The following LARGE1 variants were observed in gnomAD, a reference collection of about 807,000 sequenced individuals.
The protein encoded by LARGE1 is LARGE xylosyl- and glucuronyltransferase 1, also known as xylosyl- and glucuronyltransferase LARGE1.
In LARGE1, 43 loss-of-function variants were observed where a neutral mutation model predicts 87.6. The ratio of observed to expected loss-of-function variants is 0.49; its 90% CI spans 0.38 to 0.63. LARGE1 has a LOEUF of 0.63. Among genes scored for constraint, LARGE1 ranks in the 30% least tolerant of loss-of-function variants. The probability of loss-of-function intolerance (pLI) is 0.00; values close to 1 mark genes in which losing one functional copy is unlikely to be tolerated. For missense variants in LARGE1, 802 were observed against 1,000.2 expected (o/e 0.80, Z 2.67); for synonymous variants, 434 against 394.6 (o/e 1.10, Z -1.18).
chr22:33,619,480 G>C (rs981802622), intron 4 of LARGE1, among the ~76,000 whole-genome samples: 2 of 151,274 alleles, frequency 1.3e-5, no homozygotes, highest in Admixed American at 1.3e-4. Flanking sequence ...GCTTGAACTT[G>C]GGAGGCAGAG....
intron 11 of LARGE1, among the ~76,000 whole-genome samples, chr22:33,172,378 C>T (rs1482535501): frequency 2.6e-5 from 4 of 152,102 alleles, no homozygotes. Flanking sequence ...TGGTTTCTCC[C>T]ATGCTGTTCT....
At chr22:33,769,778 T>C (rs979523686) in intron 1 of LARGE1, among the ~76,000 whole-genome samples, 5 of 152,198 alleles carry the variant, frequency 3.3e-5, no homozygotes, top group Middle Eastern at 3.2e-3. Context: ...TTGCAAAGCA[T>C]GTACCCAACT....
At chr22:33,416,905 A>AATTTTTTTTTTTTTTT (rs1569145162) in intron 7 of LARGE1, among the ~76,000 whole-genome samples, 1 of 52,200 alleles carries the variant, frequency 1.9e-5, no homozygotes, top group Non-Finnish European at 3.4e-5. Flanking sequence ...CCACGCCCGG[A>AATTTTTTTTTTTTTTT]CTTTTTTTTT....
chr22:33,817,089 G>C (rs1012785985), intron 1 of LARGE1, among the ~76,000 whole-genome samples: 1 of 152,104 alleles, frequency 6.6e-6, no homozygotes, highest in African/African-American at 2.4e-5. Flanking sequence ...TACGTATATA[G>C]ACATACATAC....
At chr22:33,898,492 C>T (rs760343660) in intron 1 of LARGE1, among the ~76,000 whole-genome samples, 7 of 152,344 alleles carry the variant, frequency 4.6e-5, no homozygotes, top group South Asian at 4.1e-4. Flanking sequence ...AGTGGCTCAA[C>T]GTCTATAATC....
intron 11 of LARGE1, among the ~76,000 whole-genome samples, chr22:33,191,826 A>C (rs181034517): frequency 6.6e-6 from 1 of 152,144 alleles, no homozygotes; most frequent in Non-Finnish European, 1.5e-5. Flanking sequence ...TTAAAATTGA[A>C]CAGAACCAAC....
At chr22:33,678,659 G>C (rs1416115958) in intron 2 of LARGE1, among the ~76,000 whole-genome samples, 1 of 152,140 alleles carries the variant, frequency 6.6e-6, no homozygotes, top group Non-Finnish European at 1.5e-5. Flanking sequence ...TCTCCAAGCT[G>C]ACCCAGATCT....
intron 9 of LARGE1, among the ~76,000 whole-genome samples, chr22:33,350,779 A>G (rs1378428888): frequency 2.6e-5 from 4 of 152,122 alleles, no homozygotes; most frequent in Admixed American, 1.3e-4. Context: ...CCTTCTTCCC[A>G]TGACTCTAAT....
At chr22:33,336,918 G>A (rs944115502) in intron 10 of LARGE1, among the ~76,000 whole-genome samples, 8 of 152,026 alleles carry the variant, frequency 5.3e-5, no homozygotes, top group Admixed American at 1.3e-4. Context: ...AAAATTAGCC[G>A]GGTGTGGTGG....
the LARGE1 span, among the ~76,000 whole-genome samples, chr22:33,095,867 T>A: frequency 6.6e-6 from 1 of 151,862 alleles, no homozygotes; most frequent in South Asian, 2.1e-4. Flanking sequence ...TAGCTTTAAA[T>A]AGACCTACCC....
At chr22:33,093,407 C>T in the LARGE1 span, among the ~76,000 whole-genome samples, 43 of 152,254 alleles carry the variant, frequency 2.8e-4, no homozygotes, top group Middle Eastern at 3.4e-3. Context: ...AGAGTGACTA[C>T]CCAAAACCCA....
chr22:33,234,639 T>C (rs1019840429), intron 11 of LARGE1, among the ~76,000 whole-genome samples: 1 of 152,124 alleles, frequency 6.6e-6, no homozygotes, highest in Non-Finnish European at 1.5e-5. Context: ...CCTCCCAGGT[T>C]CAAGCAATTC....
At chr22:33,722,655 T>C (rs1319646507) in intron 2 of LARGE1, among the ~76,000 whole-genome samples, 4 of 151,930 alleles carry the variant, frequency 2.6e-5, no homozygotes, top group Non-Finnish European at 5.9e-5. Flanking sequence ...CACGTTATAG[T>C]AAGTCACCCA....
intron 6 of LARGE1, among the ~76,000 whole-genome samples, chr22:33,545,450 A>ACACACACACACACAC (rs1569256476): frequency 2.3e-5 from 3 of 132,690 alleles, no homozygotes; most frequent in Non-Finnish European, 3.2e-5. Context: ...ACACACACAC[A>ACACACACACACACAC]ATTTCTTCTG....
At chr22:33,260,352 C>T (rs978155736) in intron 11 of LARGE1, among the ~76,000 whole-genome samples, 1 of 152,234 alleles carries the variant, frequency 6.6e-6, no homozygotes, top group African/African-American at 2.4e-5. Context: ...AGACTCTCTT[C>T]TTTCATTTGC....
At chr22:33,130,491 T>C in the LARGE1 span, among the ~76,000 whole-genome samples, 2 of 150,798 alleles carry the variant, frequency 1.3e-5, no homozygotes, top group African/African-American at 2.4e-5. Context: ...CACTGTCTAA[T>C]AATAATAATG....
intron 6 of LARGE1, among the ~76,000 whole-genome samples, chr22:33,455,952 A>G (rs1439688143): frequency 6.6e-6 from 1 of 152,068 alleles, no homozygotes; most frequent in Admixed American, 6.6e-5. Context: ...TAATTGGTGG[A>G]CCCTCACTCA....
the LARGE1 span, among the ~76,000 whole-genome samples, chr22:33,141,667 T>C: frequency 1.3e-5 from 2 of 152,192 alleles, no homozygotes; most frequent in African/African-American, 4.8e-5. Flanking sequence ...GTACATAAAC[T>C]GAGGTTGTTC....
At chr22:33,705,162 A>C (rs1054906674) in intron 2 of LARGE1, among the ~76,000 whole-genome samples, 5 of 152,180 alleles carry the variant, frequency 3.3e-5, no homozygotes, top group Non-Finnish European at 7.3e-5. Context: ...TCTGTGGTGG[A>C]AACACACACA....
Sources: allele counts gnomAD v4.1 joint callset (sites outside exome capture counted in the v4.1 genomes callset), GRCh38; gene constraint gnomAD v4.1.1; transcripts MANE v1.5; gene names NCBI Gene and HGNC (gene_info 2026-07-23, HGNC 2026-07-21).